KCNIP4: variants seen among roughly 807,000 people sequenced by gnomAD.
KCNIP4 encodes potassium voltage-gated channel interacting protein 4.
KCNIP4 carries 12 observed loss-of-function variants against 34.0 expected under a neutral mutation model. The observed-to-expected ratio is 0.35, with a 90% CI of 0.23 to 0.57. The LOEUF is 0.57. Among genes scored for constraint, KCNIP4 ranks in the 20% least tolerant of loss-of-function variants. KCNIP4 has a pLI of 0.83. For missense variants in KCNIP4, 238 were observed against 311.7 expected, an observed-to-expected ratio of 0.76 and a Z score of 1.78; for synonymous variants, 124 against 102.2, an observed-to-expected ratio of 1.21 and a Z score of -1.29.
intron 4 of KCNIP4, among the ~76,000 whole-genome samples, chr4:20,753,077 C>T (rs1345021634): frequency 2.6e-5 from 4 of 152,158 alleles, no homozygotes; most frequent in Non-Finnish European, 5.9e-5. Context: ...ACTTGTGAAG[C>T]TGAAAAATAA....
At chr4:20,837,747 A>G (rs942508175) in intron 3 of KCNIP4, among the ~76,000 whole-genome samples, 3 of 149,684 alleles carry the variant, frequency 2.0e-5, no homozygotes, top group African/African-American at 4.9e-5. Flanking sequence ...CAGCAGTGCA[A>G]TCTTGCTCAC....
chr4:21,714,797 TTA>T (rs551045888), intron 1 of KCNIP4, among the ~76,000 whole-genome samples: 12 of 252 alleles, frequency 0.048, 1 homozygote, highest in East Asian at 0.25. Flanking sequence ...TTATTTTATT[TTA>T]TTTTATTTTA....
chr4:20,768,561 C>T (rs554079827), intron 3 of KCNIP4, among the ~76,000 whole-genome samples: 1 of 152,232 alleles, frequency 6.6e-6, no homozygotes, highest in African/African-American at 2.4e-5. Flanking sequence ...TTCTAATATG[C>T]CCAGGTGTTT....
chr4:21,446,990 G>T (rs1728072016), intron 1 of KCNIP4, among the ~76,000 whole-genome samples: 2 of 150,918 alleles, frequency 1.3e-5, no homozygotes, highest in Admixed American at 1.3e-4. Context: ...CTATAAACAG[G>T]TGCATACAGA....
At chr4:21,334,069 C>T (rs1715918291) in intron 1 of KCNIP4, among the ~76,000 whole-genome samples, 1 of 152,026 alleles carries the variant, frequency 6.6e-6, no homozygotes, top group Non-Finnish European at 1.5e-5. Flanking sequence ...TACAAAAACT[C>T]ATCTTTTTTT....
intron 1 of KCNIP4, among the ~76,000 whole-genome samples, chr4:21,384,498 C>T (rs568676024): frequency 1.3e-5 from 2 of 152,228 alleles, no homozygotes; most frequent in East Asian, 1.9e-4. Flanking sequence ...TTGAACCATT[C>T]CTAGAAAGTA....
At chr4:21,568,603 C>A (rs1740102236) in intron 1 of KCNIP4, among the ~76,000 whole-genome samples, 1 of 152,118 alleles carries the variant, frequency 6.6e-6, no homozygotes, top group Non-Finnish European at 1.5e-5. Flanking sequence ...CACCATCTTT[C>A]TCCTGTGCTG....
intron 1 of KCNIP4, among the ~76,000 whole-genome samples, chr4:21,353,343 C>T (rs909677610): frequency 9.9e-5 from 15 of 152,110 alleles, no homozygotes; most frequent in African/African-American, 3.6e-4. Flanking sequence ...TAATAACAAA[C>T]TTCTCTGAGC....
At chr4:21,012,567 G>A (rs925378184) in intron 1 of KCNIP4, among the ~76,000 whole-genome samples, 4 of 152,042 alleles carry the variant, frequency 2.6e-5, no homozygotes, top group East Asian at 1.9e-4. Context: ...ACCTTGGCTC[G>A]AATCAAAGCA....
At chr4:21,016,542 G>T (rs191174317) in intron 1 of KCNIP4, among the ~76,000 whole-genome samples, 2 of 151,986 alleles carry the variant, frequency 1.3e-5, no homozygotes, top group African/African-American at 4.8e-5. Context: ...TGATCTGCCC[G>T]CCTCGGCCTC....
intron 1 of KCNIP4, among the ~76,000 whole-genome samples, chr4:21,901,095 C>T (rs1727679894): frequency 6.6e-6 from 1 of 152,156 alleles, no homozygotes; most frequent in South Asian, 2.1e-4. Flanking sequence ...CAAGTGCTTT[C>T]ACCAGAAGTT....
chr4:21,860,787 A>C (rs2109350344), intron 1 of KCNIP4, among the ~76,000 whole-genome samples: 1 of 152,348 alleles, frequency 6.6e-6, no homozygotes, highest in South Asian at 2.1e-4. Context: ...GTATAGATAT[A>C]CACGTGACAT....
chr4:20,848,695 T>A (rs1326502549), intron 3 of KCNIP4, among the ~76,000 whole-genome samples: 1 of 152,110 alleles, frequency 6.6e-6, no homozygotes, highest in Non-Finnish European at 1.5e-5. Context: ...GGGATGGCAT[T>A]GGAATAATAA....
chr4:21,118,176 T>C (rs1488774684), intron 1 of KCNIP4, among the ~76,000 whole-genome samples: 1 of 152,062 alleles, frequency 6.6e-6, no homozygotes, highest in Non-Finnish European at 1.5e-5. Flanking sequence ...ACCTACTCCT[T>C]ATAGAACTGA....
At chr4:21,865,656 C>G (rs1476270655) in intron 1 of KCNIP4, among the ~76,000 whole-genome samples, 1 of 151,958 alleles carries the variant, frequency 6.6e-6, no homozygotes, top group Non-Finnish European at 1.5e-5. Context: ...GATTTTCCTG[C>G]CTCAGCCTCT....
intron 1 of KCNIP4, among the ~76,000 whole-genome samples, chr4:21,791,571 C>T (rs1225548764): frequency 1.3e-5 from 2 of 152,098 alleles, no homozygotes; most frequent in Admixed American, 6.6e-5. Context: ...ATAAACACAA[C>T]CGCGGGACTC....
intron 1 of KCNIP4, among the ~76,000 whole-genome samples, chr4:21,675,982 G>A (rs981011347): frequency 3.3e-5 from 5 of 152,126 alleles, no homozygotes; most frequent in Admixed American, 6.6e-5. Flanking sequence ...GCTTGAGCAC[G>A]ACCACTAAGC....
At chr4:21,254,335 T>C (rs1347317425) in intron 1 of KCNIP4, among the ~76,000 whole-genome samples, 3 of 152,166 alleles carry the variant, frequency 2.0e-5, no homozygotes, top group East Asian at 1.9e-4. Context: ...TTAATGCTTT[T>C]CTTGGTGTGA....
At position 21,878,191 on chromosome 4, in the gene KCNIP4, T is replaced by G. The variant is rs909782958; in HGVS notation, c.61+70380A>C. Among the ~76,000 whole-genome samples the G allele has an allele frequency of 2.6e-5, 4 of 152,214 alleles. No homozygotes were observed. In the East Asian group the frequency reaches 5.8e-4, roughly 22 times the overall value. On this transcript the variant is annotated intron_variant, in intron 1 of 8. Coordinates refer to ENST00000382152, the MANE Select transcript of KCNIP4 (RefSeq NM_025221.6). ...TTCAGATGCAAGTCATTCTCCTGCC[T>G]CAGCCACCCAAGTAGCTGGGATTAC... is the stretch of plus-strand genomic sequence containing the variant.
Sources: gnomAD v4.1 joint callset for allele counts (sites outside exome capture counted in the v4.1 genomes callset) on GRCh38, gnomAD v4.1.1 for gene constraint, MANE v1.5 for transcripts, NCBI Gene and HGNC (gene_info 2026-07-23, HGNC 2026-07-21) for gene names.